The following FAM151B variants were observed in gnomAD, a reference collection of about 807,000 sequenced individuals.
FAM151B encodes the protein family with sequence similarity 151 member B.
FAM151B carries 24 observed loss-of-function variants against 31.2 expected under a neutral mutation model. The observed-to-expected ratio is 0.77, with a 90% CI of 0.56 to 1.08. FAM151B has a LOEUF of 1.08. Among genes scored for constraint, FAM151B ranks in the 50% least tolerant of loss-of-function variants. The pLI is 0.00. For missense variants in FAM151B, 293 were observed against 328.6 expected (o/e 0.89, Z 0.84); for synonymous variants, 105 against 111.4 (o/e 0.94, Z 0.36).
chr5:80,524,652 T>G (rs1246170572), intron 5 of FAM151B, among the ~76,000 whole-genome samples: 1 of 152,144 alleles, frequency 6.6e-6, no homozygotes. Context: ...GTCCATTTAT[T>G]TTTTAAAAAC....
intron 4 of FAM151B, among the ~76,000 whole-genome samples, chr5:80,520,370 C>T (rs1744645767): frequency 6.6e-6 from 1 of 151,898 alleles, no homozygotes; most frequent in African/African-American, 2.4e-5. Context: ...TCTGGCCGGG[C>T]GTGGTGGCTC....
At chr5:80,538,432 C>CT (rs1246846175) in intron 5 of FAM151B, among the ~76,000 whole-genome samples, 1 of 58,730 alleles carries the variant, frequency 1.7e-5, no homozygotes, top group Non-Finnish European at 3.1e-5. Context: ...TTCTTTCTTT[C>CT]TTTCTTTCTT....
At chr5:80,509,543 C>T (rs886725507) in intron 2 of FAM151B, among the ~76,000 whole-genome samples, 1 of 152,128 alleles carries the variant, frequency 6.6e-6, no homozygotes, top group South Asian at 2.1e-4. Context: ...ATTCTGTCAT[C>T]ACAGTATAAC....
At chr5:80,517,796 G>A (rs1328690027) in intron 3 of FAM151B, among the ~76,000 whole-genome samples, 2 of 152,174 alleles carry the variant, frequency 1.3e-5, no homozygotes, top group Non-Finnish European at 2.9e-5. Flanking sequence ...TATTGGCCAG[G>A]TGCGGTGGCT....
At chr5:80,509,399 G>C (rs150938681) in intron 2 of FAM151B, among the ~76,000 whole-genome samples, 1 of 152,072 alleles carries the variant, frequency 6.6e-6, no homozygotes, top group South Asian at 2.1e-4. Flanking sequence ...GTGTTCTCTC[G>C]CTCCGCCTTC....
chr5:80,500,437 GT>G (rs2112604576), intron 1 of FAM151B: 2 of 1,085,778 alleles, frequency 1.8e-6, no homozygotes, highest in Non-Finnish European at 1.4e-6. Context: ...TGAGAAAGAA[GT>G]TTACCCAAAA....
chr5:80,514,515 T>G (rs1474883338), intron 3 of FAM151B, among the ~76,000 whole-genome samples: 1 of 148,600 alleles, frequency 6.7e-6, no homozygotes, highest in Non-Finnish European at 1.5e-5. Context: ...ATAATAATAA[T>G]AATAATATTT....
chr5:80,500,952 G>A (rs1743717908), intron 1 of FAM151B: 2 of 713,076 alleles, frequency 2.8e-6, no homozygotes, highest in African/African-American at 1.8e-5. Context: ...ATAACTTGCT[G>A]TGGCCCTTCA....
At chr5:80,504,962 G>C (rs1561364167) in intron 2 of FAM151B, among the ~76,000 whole-genome samples, 2 of 152,078 alleles carry the variant, frequency 1.3e-5, no homozygotes, top group South Asian at 2.1e-4. Flanking sequence ...CAGAAGTTTG[G>C]CCATAGGGTG....
intron 3 of FAM151B, among the ~76,000 whole-genome samples, chr5:80,518,099 C>T (rs937218324): frequency 4.8e-5 from 7 of 146,000 alleles, no homozygotes; most frequent in African/African-American, 1.5e-4. Context: ...AAAAAAGAAA[C>T]TGGATATTAT....
chr5:80,500,751 A>G, intron 1 of FAM151B: 3 of 1,104,028 alleles, frequency 2.7e-6, no homozygotes, highest in Non-Finnish European at 4.1e-6. Context: ...CATATATAGC[A>G]TGGGGGTACC....
intron 1 of FAM151B, chr5:80,501,465 G>GAAAAAAAAAAAAAAAA (rs34586243): frequency 1.2e-5 from 1 of 84,820 alleles, no homozygotes; most frequent in Non-Finnish European, 2.3e-5. Context: ...CTCTCAAATT[G>GAAAAAAAAAAAAAAAA]AAAAAAAAAA....
In FAM151B at chr5:80,501,063, G is replaced by T. The variant is rs550587303; in HGVS notation, c.26-729G>T. On this transcript the variant is annotated intron_variant, in intron 1 of 5. Transcript: ENST00000282226. ...GAGTCTCACTCTGTCACCCAGGCTG[G>T]AGTGCAGTGGCATGATCTCAGCTCA... 1.4e-4 allele frequency: 62 copies of T among 450,794 alleles called. No homozygotes were observed. In the South Asian group the frequency reaches 1.4e-3, roughly 10 times the overall value. 27.9% of individuals were successfully genotyped at this position (450,794 alleles called of 1,614,324 possible).
chr5:80,514,159 A>G lies in FAM151B; in HGVS notation c.317+390A>G, dbSNP rs557718431. Among the ~76,000 whole-genome samples the G allele has an allele frequency of 3.3e-5, 5 of 152,266 alleles. No homozygotes were observed. The East Asian group carries it at 7.7e-4, about 24-fold the overall frequency. ...GGGAATTATTTAGAATTCTCCAATA[A>G]CCAAAGTGTTTCTTAAAAATAATGC... On this transcript the variant is annotated intron_variant, in intron 3 of 5. Transcript: ENST00000282226.
chr5:80,496,179 G>A (rs1743529923), intron 1 of FAM151B, among the ~76,000 whole-genome samples: 1 of 152,124 alleles, frequency 6.6e-6, no homozygotes, highest in South Asian at 2.1e-4. Context: ...TTCATGAAAG[G>A]AAGAATCCAC....
In FAM151B at chr5:80,500,777, T is replaced by C. The variant is rs146068703; in HGVS notation, c.26-1015T>C. On this transcript the variant is annotated intron_variant, in intron 1 of 5. Coordinates refer to ENST00000282226, the MANE Select transcript of FAM151B (RefSeq NM_205548.3). The stretch of plus-strand genomic sequence containing the variant: ...TGGGGGTACCCAAATCTGAAGTCAG[T>C]AAATGAACTAATCTACAAGCGTGGT... 2.9e-3 allele frequency: 4,184 copies of C among 1,452,956 alleles called. 59 individuals carry two copies. In the African/African-American group the frequency reaches 0.04, roughly 14 times the overall value. 90.0% of individuals were successfully genotyped at this position (1,452,956 alleles called of 1,614,324 possible).
At chr5:80,504,112 G>A (rs182514710) in intron 2 of FAM151B, among the ~76,000 whole-genome samples, 57 of 152,152 alleles carry the variant, frequency 3.7e-4, no homozygotes, top group Middle Eastern at 3.4e-3. Flanking sequence ...TCAAATTTAC[G>A]TTATCCGAAA....
chr5:80,506,190 C>G (rs897577138), intron 2 of FAM151B: 3 of 850,360 alleles, frequency 3.5e-6, no homozygotes, highest in African/African-American at 1.8e-5. Context: ...TCATATTGCT[C>G]CCATGGTGGG....
intron 5 of FAM151B, among the ~76,000 whole-genome samples, chr5:80,541,290 A>T (rs973960248): frequency 6.6e-6 from 1 of 152,126 alleles, no homozygotes; most frequent in Non-Finnish European, 1.5e-5. Flanking sequence ...ATCCCTTCCC[A>T]TTGTGCTTTT....
Sources: gnomAD v4.1 joint callset for allele counts (sites outside exome capture counted in the v4.1 genomes callset) on GRCh38, gnomAD v4.1.1 for gene constraint, MANE v1.5 for transcripts, NCBI Gene and HGNC (gene_info 2026-07-23, HGNC 2026-07-21) for gene names.